The following FBXL13 variants were observed in gnomAD, a reference collection of about 807,000 sequenced individuals.
FBXL13 encodes F-box and leucine-rich repeat protein 13.
A neutral mutation model predicts 83.6 loss-of-function variants in FBXL13; 67 were observed. That is an observed-to-expected ratio of 0.80 (90% confidence interval 0.66 to 0.98). The LOEUF is 0.98. Among genes scored for constraint, FBXL13 ranks in the 50% least tolerant of loss-of-function variants. The probability of loss-of-function intolerance (pLI) is 0.00; values close to 1 mark genes in which losing one functional copy is unlikely to be tolerated. For missense variants in FBXL13, 822 were observed against 866.5 expected (o/e 0.95, Z 0.64); for synonymous variants, 272 against 299.5 (o/e 0.91, Z 0.95).
At chr7:102,863,522 G>C (rs1012720693) in intron 16 of FBXL13, among the ~76,000 whole-genome samples, 3 of 149,720 alleles carry the variant, frequency 2.0e-5, no homozygotes, top group Admixed American at 1.3e-4. Context: ...TTGGGGGGGG[G>C]GATGGTACTG....
chr7:103,053,756 T>C (rs139693187), intron 2 of FBXL13, among the ~76,000 whole-genome samples: 41 of 152,254 alleles, frequency 2.7e-4, no homozygotes, highest in African/African-American at 9.9e-4. Flanking sequence ...ACACAGTAAT[T>C]TGCAGATATC....
intron 1 of FBXL13, among the ~76,000 whole-genome samples, chr7:103,061,636 A>T (rs1174889000): frequency 6.6e-6 from 1 of 152,032 alleles, no homozygotes; most frequent in African/African-American, 2.4e-5. Context: ...TGCAGCAATT[A>T]GTCTCTTAAA....
chr7:102,840,677 C>T (rs1026247794), intron 17 of FBXL13, among the ~76,000 whole-genome samples: 5 of 152,162 alleles, frequency 3.3e-5, no homozygotes, highest in Admixed American at 6.5e-5. Flanking sequence ...CTCCCATTTG[C>T]GGACATAATA....
At chr7:103,040,265 G>T (rs1035993882) in intron 2 of FBXL13, among the ~76,000 whole-genome samples, 7 of 152,120 alleles carry the variant, frequency 4.6e-5, no homozygotes, top group Non-Finnish European at 7.4e-5. Flanking sequence ...AATTCACCAA[G>T]AAGAGCTAAC....
At chr7:102,994,359 T>A (rs891626123) in intron 6 of FBXL13, among the ~76,000 whole-genome samples, 3 of 151,966 alleles carry the variant, frequency 2.0e-5, no homozygotes, top group Non-Finnish European at 4.4e-5. Flanking sequence ...TGTATAATAT[T>A]CTTAATTATT....
intron 11 of FBXL13, among the ~76,000 whole-genome samples, chr7:102,891,208 T>TC (rs1423595143): frequency 6.6e-6 from 1 of 152,196 alleles, no homozygotes; most frequent in Non-Finnish European, 1.5e-5. Context: ...GTCCTGCCAA[T>TC]CCCTCTTTAG....
At chr7:103,003,205 A>C (rs956885358) in intron 6 of FBXL13, among the ~76,000 whole-genome samples, 4 of 144,472 alleles carry the variant, frequency 2.8e-5, no homozygotes. Flanking sequence ...TGCATTTTTT[A>C]GCTCAGCAAA....
chr7:103,012,067 T>G lies in FBXL13; in HGVS notation c.495+12996A>C, dbSNP rs137857284. Among the ~76,000 whole-genome samples the G allele has an allele frequency of 4.4e-3, 671 of 151,720 alleles. 5 individuals carry two copies. Among genetic ancestry groups the G allele is most frequent in the African/African-American group, 0.016 (643 of 41,352 alleles). ...CACATAATCATCAGATTCTCCAAGGTCAAAATGAAAGAAAAAAGGCAGCTA... is the reference window on the plus strand; with the variant it reads ...CACATAATCATCAGATTCTCCAAGGGCAAAATGAAAGAAAAAAGGCAGCTA... On this transcript the variant is annotated intron_variant, in intron 6 of 19. Coordinates refer to ENST00000313221, the Ensembl canonical transcript of FBXL13.
At chr7:103,063,932 T>G (rs1798155244) in intron 1 of FBXL13, among the ~76,000 whole-genome samples, 2 of 152,164 alleles carry the variant, frequency 1.3e-5, no homozygotes, top group Admixed American at 6.5e-5. Context: ...AAACTCAACT[T>G]AATACGTACT....
intron 10 of FBXL13, among the ~76,000 whole-genome samples, chr7:102,922,291 T>C (rs1406670200): frequency 6.6e-6 from 1 of 152,042 alleles, no homozygotes; most frequent in Non-Finnish European, 1.5e-5. Context: ...ACAATACTTA[T>C]CAAGTTATAC....
At chr7:102,823,149 C>T (rs1799053257) in intron 18 of FBXL13, among the ~76,000 whole-genome samples, 1 of 152,084 alleles carries the variant, frequency 6.6e-6, no homozygotes, top group South Asian at 2.1e-4. Flanking sequence ...TGGAAAACTT[C>T]ATCAAAATTT....
intron 7 of FBXL13, among the ~76,000 whole-genome samples, chr7:102,964,327 A>AATAG (rs900486899): frequency 1.3e-5 from 2 of 151,610 alleles, no homozygotes; most frequent in South Asian, 4.2e-4. Flanking sequence ...AAAATAAATA[A>AATAG]ATAGATAGAG....
At chr7:102,883,402 T>C (rs898565484) in exon 14 of FBXL13, 1 of 1,613,844 alleles carries the variant, frequency 6.2e-7, no homozygotes, top group South Asian at 1.1e-5. Flanking sequence ...GCCATATAAA[T>C]GTGACTGAGA....
At chr7:102,873,545 T>C (rs1208270587) in intron 16 of FBXL13, among the ~76,000 whole-genome samples, 1 of 152,212 alleles carries the variant, frequency 6.6e-6, no homozygotes, top group Non-Finnish European at 1.5e-5. Context: ...TGATAATTGG[T>C]CACTATGCAT....
chr7:102,885,140 T>A (rs1400459665), intron 11 of FBXL13, among the ~76,000 whole-genome samples: 1 of 152,220 alleles, frequency 6.6e-6, no homozygotes, highest in African/African-American at 2.4e-5. Context: ...CTTTTGGGTA[T>A]ATATTTAGGA....
chr7:103,048,077 C>T (rs933560047), intron 2 of FBXL13, among the ~76,000 whole-genome samples: 1 of 152,192 alleles, frequency 6.6e-6, no homozygotes, highest in Non-Finnish European at 1.5e-5. Flanking sequence ...TTTGACAATG[C>T]TTCCCATGTA....
At position 102,874,797 on chromosome 7, in the gene FBXL13, G is replaced by A. The variant is rs148060730; in HGVS notation, c.1635+2670C>T. Among the ~76,000 whole-genome samples the A allele has an allele frequency of 5.8e-3, 880 of 152,178 alleles. 3 individuals carry two copies. The highest frequency in any genetic ancestry group is 0.02 in the African/African-American group (819 of 41,510). ...ACCCAGGCTGGTCTCAAATTCTTGG[G>A]CTCAAGTGACCCGCCTGCCTCAGTC... On this transcript the variant is annotated intron_variant, in intron 16 of 19. Coordinates refer to ENST00000313221, the Ensembl canonical transcript of FBXL13.
At chr7:102,970,758 A>T (rs2129482025) in intron 6 of FBXL13, among the ~76,000 whole-genome samples, 1 of 152,350 alleles carries the variant, frequency 6.6e-6, no homozygotes, top group African/African-American at 2.4e-5. Context: ...TCTGTAAAAG[A>T]ACCAAATAAA....
chr7:103,044,740 T>C (rs1191280323), intron 2 of FBXL13, among the ~76,000 whole-genome samples: 5 of 152,224 alleles, frequency 3.3e-5, no homozygotes, highest in Admixed American at 6.5e-5. Flanking sequence ...AGAAGGCCCA[T>C]CTGGAGATTT....
Sources: gnomAD v4.1 joint callset for allele counts (sites outside exome capture counted in the v4.1 genomes callset) on GRCh38, gnomAD v4.1.1 for gene constraint, MANE v1.5 for transcripts, NCBI Gene and HGNC (gene_info 2026-07-23, HGNC 2026-07-21) for gene names.